COL5A2: variants seen among roughly 807,000 people sequenced by gnomAD.
COL5A2 encodes collagen alpha-2(V) chain.
Under a neutral mutation model 208.2 loss-of-function variants are expected in COL5A2, and 23 were observed. The observed-to-expected ratio is 0.11, with a 90% CI of 0.08 to 0.16. The LOEUF (loss-of-function observed/expected upper bound fraction) is 0.16. COL5A2 is among the 10% of genes least tolerant of loss of function. The pLI is 1.00. For missense variants in COL5A2, 1,590 were observed against 1,956.4 expected, an observed-to-expected ratio of 0.81 and a Z score of 3.53; for synonymous variants, 625 against 628.5, an observed-to-expected ratio of 0.99 and a Z score of 0.08.
chr2:189,269,343 T>C, the COL5A2 span, among the ~76,000 whole-genome samples: 3 of 152,144 alleles, frequency 2.0e-5, no homozygotes, highest in African/African-American at 7.2e-5. Context: ...GCTTCCAGCT[T>C]TTGCCTATTC....
At position 189,143,500 on chromosome 2, in the gene COL5A2, A is replaced by G. The variant is rs528654532; in HGVS notation, c.98-33051T>C. On this transcript the variant is annotated intron_variant, in intron 1 of 53. Coordinates refer to ENST00000374866, the MANE Select transcript of COL5A2 (RefSeq NM_000393.5). The stretch of plus-strand genomic sequence containing the variant: ...TTTCTGCCTAACTTAATCCCATCCT[A>G]ATAAAGTCTCTCTCATATCCTCTAT... Among the ~76,000 whole-genome samples, 182 of 152,248 alleles carry G rather than the reference A, an allele frequency of 1.2e-3. 1 individual carries two copies. Among genetic ancestry groups the G allele is most frequent in the African/African-American group, 3.4e-3 (143 of 41,556 alleles).
the COL5A2 span, among the ~76,000 whole-genome samples, chr2:189,316,817 T>C: frequency 6.6e-6 from 1 of 150,536 alleles, no homozygotes; most frequent in Non-Finnish European, 1.5e-5. Flanking sequence ...TAAGACCTAC[T>C]ATTTGATACC....
intron 18 of COL5A2, 119 bp from the exon 19 acceptor site, chr2:189,069,003 G>C: frequency 1.3e-6 from 1 of 760,842 alleles, no homozygotes; most frequent in Non-Finnish European, 2.3e-6. Flanking sequence ...AGGCCAAAGA[G>C]GATTACAAGA....
intron 17 of COL5A2, among the ~76,000 whole-genome samples, chr2:189,072,783 A>AAAAAC (rs1181148817): frequency 4.6e-5 from 7 of 151,832 alleles, no homozygotes; most frequent in African/African-American, 1.7e-4. Flanking sequence ...AAAAAAAAAA[A>AAAAAC]AAACCATCTG....
chr2:189,136,248 A>G (rs566330938), intron 1 of COL5A2, among the ~76,000 whole-genome samples: 8 of 152,236 alleles, frequency 5.3e-5, no homozygotes, highest in Non-Finnish European at 1.2e-4. Flanking sequence ...TGCAAACCAG[A>G]AAGTTTCCAG....
chr2:189,106,968 TAG>T (rs1559107272), intron 2 of COL5A2, among the ~76,000 whole-genome samples: 1 of 151,490 alleles, frequency 6.6e-6, no homozygotes, highest in African/African-American at 2.4e-5. Context: ...AATATGCTAA[TAG>T]ACTTAATATT....
the COL5A2 span, among the ~76,000 whole-genome samples, chr2:189,401,776 G>A: frequency 1.3e-5 from 2 of 152,276 alleles, no homozygotes; most frequent in East Asian, 1.9e-4. Flanking sequence ...ACTGGGGTTA[G>A]GTGGTATCTC....
chr2:189,099,153 A>G (rs1686997522), intron 4 of COL5A2, among the ~76,000 whole-genome samples: 1 of 152,190 alleles, frequency 6.6e-6, no homozygotes, highest in Admixed American at 6.6e-5. Context: ...AAGACAAATA[A>G]ATAAATATTT....
At chr2:189,242,124 G>A in the COL5A2 span, among the ~76,000 whole-genome samples, 5 of 152,046 alleles carry the variant, frequency 3.3e-5, no homozygotes, top group Non-Finnish European at 5.9e-5. Flanking sequence ...CATATGTATA[G>A]TGTGAACATT....
At chr2:189,074,108 T>C (rs1686343717) in intron 17 of COL5A2, among the ~76,000 whole-genome samples, 1 of 152,182 alleles carries the variant, frequency 6.6e-6, no homozygotes, top group Non-Finnish European at 1.5e-5. Context: ...TTACATTTGA[T>C]TCTATGTTTA....
intron 4 of COL5A2, among the ~76,000 whole-genome samples, chr2:189,099,894 T>C (rs891088888): frequency 4.6e-5 from 7 of 152,200 alleles, no homozygotes; most frequent in African/African-American, 1.7e-4. Flanking sequence ...ACTTTCTACC[T>C]TTAGTCATGG....
At chr2:189,173,734 G>A (rs926546198) in intron 1 of COL5A2, among the ~76,000 whole-genome samples, 13 of 152,054 alleles carry the variant, frequency 8.5e-5, no homozygotes, top group South Asian at 2.1e-4. Flanking sequence ...ATACTGTCTC[G>A]TGCTACATTT....
chr2:189,388,943 G>A, the COL5A2 span, among the ~76,000 whole-genome samples: 2 of 152,132 alleles, frequency 1.3e-5, no homozygotes, highest in Non-Finnish European at 2.9e-5. Context: ...AATGCTAATG[G>A]AAGAGCCACT....
the COL5A2 span, among the ~76,000 whole-genome samples, chr2:189,401,721 C>T: frequency 6.6e-6 from 1 of 152,184 alleles, no homozygotes; most frequent in African/African-American, 2.4e-5. Flanking sequence ...ACCTCACCAG[C>T]ATCTGTTGTC....
In COL5A2 at chr2:189,060,763, CCCT is replaced by C; in HGVS notation, c.2049_2051del (p.Gly684del). On this transcript the variant is annotated inframe_deletion, in exon 31 of 54. Coordinates refer to ENST00000374866, the MANE Select transcript of COL5A2 (RefSeq NM_000393.5). ...CTGGTTTTCCACCTTCTCCAGGAGG[CCCT>C]GGAGGACCAGGAAGCCCCTAAAACA... 1 of 1,613,416 alleles carries C rather than the reference CCCT, an allele frequency of 6.2e-7. No individual in the cohort carries two copies. The highest frequency in any genetic ancestry group is 8.5e-7 in the Non-Finnish European group (1 of 1,179,484).
Position 189,157,169 on chromosome 2 carries a change from A to C in COL5A2, c.97+22339T>G, listed in dbSNP as rs1209503346. Among the ~76,000 whole-genome samples, 4 of 81,410 alleles carry C rather than the reference A, an allele frequency of 4.9e-5. No individual in the cohort carries two copies. The South Asian group carries it at 1.3e-3, about 27-fold the overall frequency. 53.4% of individuals were successfully genotyped at this position (81,410 alleles called of 152,430 possible). On this transcript the variant is annotated intron_variant, in intron 1 of 53. Coordinates refer to ENST00000374866, the MANE Select transcript of COL5A2 (RefSeq NM_000393.5). ...ATATCTTCATGTGCTAAGCATATAT[A>C]TATCTATATATATAGCTTAGCACAT...
At chr2:189,034,342 G>T in intron 53 of COL5A2, 126 bp from the exon 54 acceptor site, 1 of 981,172 alleles carries the variant, frequency 1.0e-6, no homozygotes, top group Non-Finnish European at 1.5e-6. Flanking sequence ...TTAAAAAAAA[G>T]GAATGAAAAC....
chr2:189,191,512 G>C (rs938437887), intron 1 of COL5A2, among the ~76,000 whole-genome samples: 10 of 151,976 alleles, frequency 6.6e-5, no homozygotes, highest in South Asian at 2.1e-4. Context: ...ATGGTGGGGG[G>C]CACCAGTAGT....
chr2:189,409,372 C>T, the COL5A2 span, among the ~76,000 whole-genome samples: 2 of 151,986 alleles, frequency 1.3e-5, no homozygotes, highest in Non-Finnish European at 2.9e-5. Flanking sequence ...ACACCTCACC[C>T]AGCTTAAATC....
Sources: gnomAD v4.1 joint callset for allele counts (sites outside exome capture counted in the v4.1 genomes callset) on GRCh38, gnomAD v4.1.1 for gene constraint, MANE v1.5 for transcripts, NCBI Gene and HGNC (gene_info 2026-07-23, HGNC 2026-07-21) for gene names.